CSMD1: variants seen among roughly 807,000 people sequenced by gnomAD.
CSMD1 encodes CUB and Sushi multiple domains 1, also known as CUB and sushi domain-containing protein 1.
Under a neutral mutation model 417.5 loss-of-function variants are expected in CSMD1, and 213 were observed. That is an observed-to-expected ratio of 0.51 (90% CI 0.46 to 0.57). The LOEUF is 0.57. Ranked by LOEUF, CSMD1 falls within the 20% of genes least tolerant of loss-of-function variation. The probability of loss-of-function intolerance (pLI) is 0.00; values close to 1 mark genes in which losing one functional copy is unlikely to be tolerated. For missense variants in CSMD1, 6,923 were observed against 4,529.7 expected (o/e 1.53, Z -15.17); for synonymous variants, 2,862 against 1,736.8 (o/e 1.65, Z -16.11).
intron 8 of CSMD1, among the ~76,000 whole-genome samples, chr8:3,612,335 TAGAC>T (rs1477894036): frequency 7.2e-5 from 11 of 152,044 alleles, no homozygotes; most frequent in Admixed American, 5.9e-4. Context: ...CAATGAGAAA[TAGAC>T]AGATTCACAA....
intron 6 of CSMD1, among the ~76,000 whole-genome samples, chr8:3,738,836 A>G (rs1363662587): frequency 6.6e-6 from 1 of 152,180 alleles, no homozygotes; most frequent in African/African-American, 2.4e-5. Context: ...CTCTTCATCT[A>G]AAATAGGCAT....
chr8:4,248,963 T>C (rs1802883301), intron 3 of CSMD1, among the ~76,000 whole-genome samples: 1 of 152,206 alleles, frequency 6.6e-6, no homozygotes, highest in Admixed American at 6.5e-5. Flanking sequence ...ATGCTACTTT[T>C]AATATCATAA....
chr8:3,548,695 C>CACAT (rs1266203901), intron 10 of CSMD1, among the ~76,000 whole-genome samples: 2 of 150,362 alleles, frequency 1.3e-5, no homozygotes. Context: ...CACACACACA[C>CACAT]ACACACCATG....
chr8:3,279,876 A>T (rs537603610), intron 26 of CSMD1, among the ~76,000 whole-genome samples: 4 of 152,108 alleles, frequency 2.6e-5, no homozygotes, highest in African/African-American at 9.7e-5. Flanking sequence ...TCATGATCCA[A>T]CCACCTCCAC....
At chr8:3,514,211 G>C (rs1797194260) in intron 10 of CSMD1, among the ~76,000 whole-genome samples, 1 of 152,068 alleles carries the variant, frequency 6.6e-6, no homozygotes. Flanking sequence ...TTGTGTAAAG[G>C]ATACTAAATA....
Position 3,574,964 on chromosome 8 carries a change from G to T in CSMD1, c.1325C>A (p.Thr442Asn), listed in dbSNP as rs1444291669. The T allele has an allele frequency of 1.2e-6, 2 of 1,612,512 alleles. No homozygotes were observed. The highest frequency in any genetic ancestry group is 4.5e-5 in the East Asian group (2 of 44,862). ...CCTTACCTTGTCCGGGTCGGTGGTG[G>T]TGATGACCCACACACAGTGTGCATT... Reference protein sequence around the residue: ...EDNAHCVWVITTTDPDKVIKL... With the variant: ...EDNAHCVWVINTTDPDKVIKL... The change falls in exon 10 of 70, where the codon ACC becomes AAC. Residue 442 changes from threonine (T) to asparagine (N), a missense_variant. Transcript: ENST00000635120.
At chr8:2,963,509 T>C in intron 59 of CSMD1, 114 bp from the exon 60 acceptor site, 1 of 1,012,082 alleles carries the variant, frequency 9.9e-7, no homozygotes, top group Non-Finnish European at 1.5e-6. Flanking sequence ...TACATAGGTT[T>C]TTAAAAAAAA....
intron 3 of CSMD1, among the ~76,000 whole-genome samples, chr8:4,329,873 C>G (rs200648281): frequency 1.4e-5 from 2 of 144,036 alleles, no homozygotes; most frequent in Admixed American, 7.1e-5. Context: ...CACACACACA[C>G]AGACACACAC....
chr8:4,206,256 A>G (rs1799971052), intron 3 of CSMD1, among the ~76,000 whole-genome samples: 1 of 152,156 alleles, frequency 6.6e-6, no homozygotes. Flanking sequence ...CAGGTTTGTT[A>G]CATATGTATA....
intron 2 of CSMD1, among the ~76,000 whole-genome samples, chr8:4,557,885 G>A (rs1197830962): frequency 6.6e-6 from 1 of 152,142 alleles, no homozygotes; most frequent in African/African-American, 2.4e-5. Flanking sequence ...GTCGGACAGT[G>A]TAAAGATGAC....
chr8:4,240,500 T>A lies in CSMD1; in HGVS notation c.415+179453A>T, dbSNP rs570049396. Among the ~76,000 whole-genome samples, 5 of 152,350 alleles carry A rather than the reference T, an allele frequency of 3.3e-5. No homozygotes were observed. In the East Asian group the frequency reaches 9.6e-4, roughly 29 times the overall value. On this transcript the variant is annotated intron_variant, in intron 3 of 69. Coordinates refer to ENST00000635120, the MANE Select transcript of CSMD1 (RefSeq NM_033225.6). ...AAATAAGATGAAATGACACAAAGCC[T>A]GCAGCAAGAATCTGGAAACTAACCT...
Position 3,106,625 on chromosome 8 carries a change from G to A in CSMD1, c.6852C>T (p.Tyr2284=). 1.2e-6 allele frequency: 2 copies of A among 1,612,416 alleles called. No individual in the cohort carries two copies. The highest frequency in any genetic ancestry group is 1.7e-6 in the Non-Finnish European group (2 of 1,178,832). ...DDFEIGDFVK[Y]QCHPGYTLVG... Reference sequence around the variant, plus strand: ...CCAAGGTGTACCCGGGGTGGCACTGGTACTTCACAAAATCTCCTAGAAGAG... The same window carrying A: ...CCAAGGTGTACCCGGGGTGGCACTGATACTTCACAAAATCTCCTAGAAGAG... The change falls in exon 46 of 70, where the codon TAC becomes TAT. Residue 2284 remains tyrosine (Y), a synonymous_variant. Transcript: ENST00000635120.
intron 1 of CSMD1, among the ~76,000 whole-genome samples, chr8:4,740,727 T>A (rs1810549435): frequency 6.6e-6 from 1 of 152,154 alleles, no homozygotes; most frequent in Non-Finnish European, 1.5e-5. Flanking sequence ...CACTCTAGCA[T>A]GGGCAATAGA....
chr8:4,955,441 G>A (rs891686882), intron 1 of CSMD1, among the ~76,000 whole-genome samples: 2 of 147,936 alleles, frequency 1.4e-5, no homozygotes, highest in Admixed American at 6.7e-5. Context: ...TACTTCGACC[G>A]CAACTCTCAC....
At chr8:4,831,320 G>A (rs926868697) in intron 1 of CSMD1, among the ~76,000 whole-genome samples, 1 of 152,114 alleles carries the variant, frequency 6.6e-6, no homozygotes, top group Non-Finnish European at 1.5e-5. Flanking sequence ...CTTCTTCCTA[G>A]TGCTTCAGCA....
chr8:3,713,354 G>T (rs528787418), intron 6 of CSMD1, among the ~76,000 whole-genome samples: 2 of 152,236 alleles, frequency 1.3e-5, no homozygotes, highest in South Asian at 4.1e-4. Flanking sequence ...TCTTATTACT[G>T]TTTTTAAAAT....
chr8:3,941,462 G>A (rs537690409), intron 5 of CSMD1, among the ~76,000 whole-genome samples: 1 of 151,988 alleles, frequency 6.6e-6, no homozygotes, highest in Non-Finnish European at 1.5e-5. Flanking sequence ...GAAACACTAA[G>A]GTCCTATTAA....
chr8:3,964,684 G>A (rs1308678348), intron 5 of CSMD1, among the ~76,000 whole-genome samples: 2 of 152,116 alleles, frequency 1.3e-5, no homozygotes, highest in East Asian at 1.9e-4. Flanking sequence ...ACTTTTAAAT[G>A]GACCATAGTT....
intron 26 of CSMD1, among the ~76,000 whole-genome samples, chr8:3,263,160 A>G (rs902807413): frequency 2.6e-5 from 4 of 152,076 alleles, no homozygotes; most frequent in African/African-American, 7.2e-5. Flanking sequence ...GTGCAGTGGC[A>G]TGATCGCAGC....
Sources: gnomAD v4.1 joint callset for allele counts (sites outside exome capture counted in the v4.1 genomes callset) on GRCh38, gnomAD v4.1.1 for gene constraint, MANE v1.5 for transcripts, NCBI Gene and HGNC (gene_info 2026-07-23, HGNC 2026-07-21) for gene names.